ZBTB20: variants seen among roughly 807,000 people sequenced by gnomAD.
ZBTB20 encodes zinc finger and BTB domain containing 20.
A neutral mutation model predicts 56.9 loss-of-function variants in ZBTB20; 9 were observed. The ratio of observed to expected loss-of-function variants is 0.16; its 90% CI spans 0.10 to 0.28. The LOEUF (loss-of-function observed/expected upper bound fraction) is 0.28. ZBTB20 is among the 10% of genes least tolerant of loss of function. The pLI is 1.00. For missense variants in ZBTB20, 655 were observed against 1,003.0 expected, an observed-to-expected ratio of 0.65 and a Z score of 4.69; for synonymous variants, 417 against 420.7, an observed-to-expected ratio of 0.99 and a Z score of 0.11.
At chr3:115,052,595 A>G (rs6776590) in intron 2 of ZBTB20, among the ~76,000 whole-genome samples, 13,543 of 152,228 alleles carry the variant, frequency 0.089, 1,765 homozygotes, top group African/African-American at 0.29. Context: ...TTTAACTAAA[A>G]GACAAATATC....
chr3:114,434,183 G>C (rs1170008137), intron 7 of ZBTB20, among the ~76,000 whole-genome samples: 17 of 152,056 alleles, frequency 1.1e-4, no homozygotes, highest in Admixed American at 1.1e-3. Flanking sequence ...CCATTCCAGA[G>C]TGATGGGAAG....
chr3:114,592,198 T>C (rs1052419188), intron 6 of ZBTB20, among the ~76,000 whole-genome samples: 3 of 152,132 alleles, frequency 2.0e-5, no homozygotes, highest in Non-Finnish European at 4.4e-5. Context: ...GGCCACAAAA[T>C]AAATAGGTTA....
intron 10 of ZBTB20, among the ~76,000 whole-genome samples, chr3:114,353,331 T>C (rs1254145458): frequency 6.6e-6 from 1 of 152,362 alleles, no homozygotes; most frequent in East Asian, 1.9e-4. Context: ...TACCTTGCGA[T>C]AGAAGACTTG....
Position 114,338,743 on chromosome 3 carries a change from C to T in ZBTB20, c.*262G>A, listed in dbSNP as rs1054815189. ...GTAGCTAGAGATCCAACCAGTGGAC[C>T]TCTTGAAGCACTACCAGGCCTTAAG... On this transcript the variant is annotated 3_prime_UTR_variant, in exon 12 of 12. Coordinates refer to ENST00000675478, the MANE Select transcript of ZBTB20 (RefSeq NM_001348800.3). 1 of 327,302 alleles carries T rather than the reference C, an allele frequency of 3.1e-6. No individual in the cohort carries two copies. Among genetic ancestry groups the T allele is most frequent in the African/African-American group, 2.1e-5 (1 of 46,780 alleles). 20.3% of individuals were successfully genotyped at this position (327,302 alleles called of 1,614,324 possible). A position where few individuals can be genotyped will look rare whatever the true frequency, so the allele number is the denominator to read the frequency against.
intron 2 of ZBTB20, among the ~76,000 whole-genome samples, chr3:115,012,086 G>T (rs1050270919): frequency 6.6e-6 from 1 of 151,468 alleles, no homozygotes; most frequent in Non-Finnish European, 1.5e-5. Flanking sequence ...TAAAAAGCAA[G>T]AAATTAATCA....
At chr3:114,663,859 C>A (rs968128359) in intron 6 of ZBTB20, among the ~76,000 whole-genome samples, 18 of 150,838 alleles carry the variant, frequency 1.2e-4, no homozygotes, top group Non-Finnish European at 4.4e-5. Flanking sequence ...TATATATGCA[C>A]CCAATACAGG....
chr3:115,132,377 C>T (rs2084531938), intron 1 of ZBTB20, among the ~76,000 whole-genome samples: 1 of 151,906 alleles, frequency 6.6e-6, no homozygotes, highest in Non-Finnish European at 1.5e-5. Flanking sequence ...TATCTTTTAT[C>T]CAACTACCTT....
rs974192329 is a variant in ZBTB20 at position 114,334,420 on chromosome 3, G to C, written c.*4585C>G. 1 of 152,230 alleles carries C rather than the reference G, an allele frequency of 6.6e-6. No individual in the cohort carries two copies. Among genetic ancestry groups the C allele is most frequent in the Non-Finnish European group, 1.5e-5 (1 of 68,074 alleles). 9.4% of individuals were successfully genotyped at this position (152,230 alleles called of 1,614,324 possible). ...GACTTCTGTGCTGAGAGAAAATATT[G>C]AGTTTTGGGCGCAGGCAGAGCACAG... On this transcript the variant is annotated 3_prime_UTR_variant, in exon 12 of 12. Coordinates refer to ENST00000675478, the MANE Select transcript of ZBTB20 (RefSeq NM_001348800.3).
chr3:114,361,615 C>A (rs943780235), intron 10 of ZBTB20, among the ~76,000 whole-genome samples: 2 of 152,182 alleles, frequency 1.3e-5, no homozygotes, highest in Non-Finnish European at 2.9e-5. Context: ...AAAGAGTTTT[C>A]TTTCCTAATG....
chr3:114,490,424 T>C (rs2042611104), intron 7 of ZBTB20, among the ~76,000 whole-genome samples: 1 of 152,154 alleles, frequency 6.6e-6, no homozygotes, highest in South Asian at 2.1e-4. Flanking sequence ...AGTTTCACTG[T>C]GTTGGCCAGG....
chr3:114,817,129 C>T (rs72956268), intron 4 of ZBTB20, among the ~76,000 whole-genome samples: 2,495 of 150,514 alleles, frequency 0.017, 76 homozygotes, highest in African/African-American at 0.057. Context: ...AATATGACTC[C>T]GTGTGTGTGT....
intron 5 of ZBTB20, among the ~76,000 whole-genome samples, chr3:114,732,558 T>C (rs1055268283): frequency 6.6e-6 from 1 of 152,224 alleles, no homozygotes; most frequent in African/African-American, 2.4e-5. Flanking sequence ...CTTCTGGCAG[T>C]ACTCCTGGGG....
chr3:114,436,352 A>G (rs994335849), intron 7 of ZBTB20, among the ~76,000 whole-genome samples: 1 of 152,162 alleles, frequency 6.6e-6, no homozygotes, highest in Non-Finnish European at 1.5e-5. Flanking sequence ...TAGAGGCCCA[A>G]GGGCCCCAAA....
rs183770274 is a variant in ZBTB20 at position 114,598,363 on chromosome 3, C to G, written c.-295+95165G>C. On this transcript the variant is annotated intron_variant, in intron 6 of 11. Transcript: ENST00000675478. ...CCAAATATTCAGTGATTGGTTAACA[C>G]AAACTGTGTTATACACCCTACAGAA... 6.0e-5 allele frequency among the ~76,000 whole-genome samples: 9 copies of G among 149,366 alleles called. No individual in the cohort carries two copies. In the East Asian group the frequency reaches 1.8e-3, roughly 29 times the overall value.
intron 2 of ZBTB20, among the ~76,000 whole-genome samples, chr3:115,035,397 A>G (rs1191857641): frequency 6.6e-6 from 1 of 152,130 alleles, no homozygotes; most frequent in East Asian, 1.9e-4. Context: ...AACTGTGCAA[A>G]GAACTTGAAT....
chr3:114,607,516 T>C (rs894417456), intron 6 of ZBTB20, among the ~76,000 whole-genome samples: 2 of 152,050 alleles, frequency 1.3e-5, no homozygotes, highest in Admixed American at 6.6e-5. Context: ...TTTGTCAGGC[T>C]GGTCTCGAAC....
At chr3:114,727,780 T>C (rs2065418073) in intron 5 of ZBTB20, among the ~76,000 whole-genome samples, 1 of 152,210 alleles carries the variant, frequency 6.6e-6, no homozygotes, top group African/African-American at 2.4e-5. Context: ...CAGGAGCTTG[T>C]TTATTTTCTA....
intron 10 of ZBTB20, among the ~76,000 whole-genome samples, chr3:114,373,196 G>A (rs934532262): frequency 1.4e-4 from 22 of 152,364 alleles, no homozygotes; most frequent in African/African-American, 4.8e-4. Context: ...TTACAGGCGT[G>A]AGCCACTGCG....
intron 7 of ZBTB20, among the ~76,000 whole-genome samples, chr3:114,430,248 T>A (rs1475424452): frequency 6.6e-6 from 1 of 152,214 alleles, no homozygotes; most frequent in Non-Finnish European, 1.5e-5. Flanking sequence ...CTAGGTTCTT[T>A]ACACAAATTA....
Sources: allele counts gnomAD v4.1 joint callset (sites outside exome capture counted in the v4.1 genomes callset), GRCh38; gene constraint gnomAD v4.1.1; transcripts MANE v1.5; gene names NCBI Gene and HGNC (gene_info 2026-07-23, HGNC 2026-07-21).